The following MED13L variants were observed in gnomAD, a reference collection of about 807,000 sequenced individuals.
The protein encoded by MED13L is mediator of RNA polymerase II transcription subunit 13-like.
In MED13L, 7 loss-of-function variants were observed where a neutral mutation model predicts 220.9. The observed-to-expected ratio is 0.03, with a 90% confidence interval of 0.02 to 0.06. The LOEUF is 0.06. Ranked by LOEUF, MED13L falls within the 10% of genes least tolerant of loss-of-function variation. MED13L has a pLI of 1.00. For missense variants in MED13L, 1,965 were observed against 2,760.5 expected, an observed-to-expected ratio of 0.71 and a Z score of 6.46; for synonymous variants, 1,011 against 1,015.2, an observed-to-expected ratio of 1.00 and a Z score of 0.08.
At chr12:116,093,112 A>G (rs1872372467) in intron 4 of MED13L, among the ~76,000 whole-genome samples, 1 of 152,218 alleles carries the variant, frequency 6.6e-6, no homozygotes, top group Admixed American at 6.5e-5. Context: ...TTCCCAAGAG[A>G]GAGAACCTGC....
At chr12:116,217,221 T>C (rs1883055173) in intron 2 of MED13L, among the ~76,000 whole-genome samples, 1 of 152,144 alleles carries the variant, frequency 6.6e-6, no homozygotes, top group African/African-American at 2.4e-5. Context: ...CCCACATTGA[T>C]GAAGATAACA....
intron 24 of MED13L, 82 bp from the exon 25 acceptor site, chr12:115,975,395 A>G (rs1178165091): frequency 6.2e-7 from 1 of 1,606,114 alleles, no homozygotes; most frequent in Non-Finnish European, 8.5e-7. Context: ...AAACACTAGA[A>G]ATTCCAAAGA....
At chr12:116,045,378 C>A (rs927155925) in intron 4 of MED13L, among the ~76,000 whole-genome samples, 3 of 152,142 alleles carry the variant, frequency 2.0e-5, no homozygotes, top group African/African-American at 7.2e-5. Flanking sequence ...ATGCTCAGCT[C>A]CTGTCTGAGC....
At chr12:116,036,188 T>A (rs1881184954) in intron 4 of MED13L, among the ~76,000 whole-genome samples, 1 of 152,196 alleles carries the variant, frequency 6.6e-6, no homozygotes, top group African/African-American at 2.4e-5. Context: ...AACCAAAGAT[T>A]AAATTACTTT....
At chr12:116,237,880 G>A (rs1359391438) in intron 1 of MED13L, among the ~76,000 whole-genome samples, 175 bp from the exon 2 acceptor site, 3 of 152,172 alleles carry the variant, frequency 2.0e-5, no homozygotes, top group Non-Finnish European at 4.4e-5. Context: ...TAAGGTGGGA[G>A]AAACTTTCTA....
intron 1 of MED13L, among the ~76,000 whole-genome samples, chr12:116,247,887 T>C (rs1439564132): frequency 6.6e-6 from 1 of 152,212 alleles, no homozygotes; most frequent in African/African-American, 2.4e-5. Flanking sequence ...CAATGTGAAG[T>C]AGATATTTAA....
intron 2 of MED13L, among the ~76,000 whole-genome samples, chr12:116,159,364 C>T (rs1169453810): frequency 6.6e-6 from 1 of 152,104 alleles, no homozygotes; most frequent in East Asian, 1.9e-4. Flanking sequence ...TGCCAGAATA[C>T]ATTTTAACCA....
intron 2 of MED13L, among the ~76,000 whole-genome samples, chr12:116,144,601 T>C (rs1022181400): frequency 6.6e-6 from 1 of 152,230 alleles, no homozygotes; most frequent in African/African-American, 2.4e-5. Flanking sequence ...GTTTTTACTA[T>C]GAATTCAGAG....
intron 4 of MED13L, among the ~76,000 whole-genome samples, chr12:116,024,715 T>C (rs1337730276): frequency 2.1e-5 from 3 of 142,966 alleles, no homozygotes; most frequent in Non-Finnish European, 4.5e-5. Context: ...TCAATGAATG[T>C]GAAGAAGGAT....
At chr12:116,000,811 T>A (rs1273317681) in intron 14 of MED13L, among the ~76,000 whole-genome samples, 6 of 152,200 alleles carry the variant, frequency 3.9e-5, no homozygotes, top group Non-Finnish European at 8.8e-5. Context: ...CATTCACAAA[T>A]GAATAATGAG....
At chr12:116,036,686 G>C (rs1294690967) in intron 4 of MED13L, among the ~76,000 whole-genome samples, 3 of 152,064 alleles carry the variant, frequency 2.0e-5, no homozygotes, top group Non-Finnish European at 4.4e-5. Flanking sequence ...CAAGCCTCTT[G>C]CCAGAAGCAA....
At chr12:116,010,003 G>A (rs1592943878) in intron 9 of MED13L, among the ~76,000 whole-genome samples, 2 of 152,242 alleles carry the variant, frequency 1.3e-5, no homozygotes, top group South Asian at 4.1e-4. Context: ...AACTCTCTGA[G>A]GCCACTAGGG....
intron 1 of MED13L, among the ~76,000 whole-genome samples, chr12:116,250,025 T>TAAAAAAAAAAAAAAAAAAAAAAAAAAAAC (rs71095516): frequency 2.5e-5 from 1 of 40,462 alleles, no homozygotes; most frequent in Non-Finnish European, 4.2e-5. Context: ...CAGCATAAAC[T>TAAAAAAAAAAAAAAAAAAAAAAAAAAAAC]AAAAAAAAAA....
intron 1 of MED13L, among the ~76,000 whole-genome samples, chr12:116,265,333 T>A (rs2138571730): frequency 6.6e-6 from 1 of 152,326 alleles, no homozygotes; most frequent in South Asian, 2.1e-4. Context: ...ATCGAATTTG[T>A]TTTCAATGCA....
intron 1 of MED13L, among the ~76,000 whole-genome samples, chr12:116,257,842 T>C (rs1260631534): frequency 3.3e-5 from 5 of 152,218 alleles, no homozygotes; most frequent in East Asian, 3.8e-4. Context: ...AAGCTATCTT[T>C]ATAATTTTTC....
At chr12:116,232,125 C>T (rs993241289) in intron 2 of MED13L, 68 of 985,214 alleles carry the variant, frequency 6.9e-5, no homozygotes, top group Admixed American at 4.3e-4. Context: ...TTTTTACAAT[C>T]GCCCACACCT....
chr12:116,144,262 C>A (rs1184494658), intron 2 of MED13L, among the ~76,000 whole-genome samples: 1 of 152,226 alleles, frequency 6.6e-6, no homozygotes, highest in Non-Finnish European at 1.5e-5. Flanking sequence ...ATAAAGTCCA[C>A]ATCCTAATTT....
chr12:116,016,611 T>C (rs1375530209), intron 7 of MED13L, among the ~76,000 whole-genome samples: 3 of 152,144 alleles, frequency 2.0e-5, no homozygotes, highest in Non-Finnish European at 4.4e-5. Context: ...AAACAATTTA[T>C]GACCAAGAAA....
chr12:116,207,504 G>C (rs1882414701), intron 2 of MED13L, among the ~76,000 whole-genome samples: 1 of 152,100 alleles, frequency 6.6e-6, no homozygotes, highest in African/African-American at 2.4e-5. Flanking sequence ...TTTCTCAGAG[G>C]CATTAAGCGA....
Sources: allele counts gnomAD v4.1 joint callset (sites outside exome capture counted in the v4.1 genomes callset), GRCh38; gene constraint gnomAD v4.1.1; transcripts MANE v1.5; gene names NCBI Gene and HGNC (gene_info 2026-07-23, HGNC 2026-07-21).